The following SPAG16 variants were observed in gnomAD, a reference collection of about 807,000 sequenced individuals.
SPAG16 encodes sperm-associated antigen 16 protein.
A neutral mutation model predicts 80.4 loss-of-function variants in SPAG16; 86 were observed. The ratio of observed to expected loss-of-function variants is 1.07; its 90% CI spans 0.90 to 1.28. SPAG16 has a LOEUF of 1.28. Ranked by LOEUF, SPAG16 falls within the 50% of genes most tolerant of loss-of-function variation. SPAG16 has a pLI of 0.00. For synonymous variants in SPAG16, 294 were observed against 265.9 expected (o/e 1.11, Z -1.03); for missense variants, 870 against 765.3 (o/e 1.14, Z -1.61).
intron 9 of SPAG16, chr2:213,396,614 T>TTA (rs1253750156): frequency 2.2e-6 from 1 of 455,390 alleles, no homozygotes; most frequent in Non-Finnish European, 4.4e-6. Context: ...ACTCTCAAAC[T>TTA]TGGAATAAGA....
chr2:213,869,306 TA>T (rs1370830440), intron 11 of SPAG16, among the ~76,000 whole-genome samples: 1 of 129,564 alleles, frequency 7.7e-6, no homozygotes, highest in African/African-American at 2.6e-5. Context: ...TATATATATA[TA>T]ATATGTATAC....
intron 14 of SPAG16, among the ~76,000 whole-genome samples, 175 bp from the exon 15 acceptor site, chr2:214,148,965 A>C (rs994652830): frequency 6.6e-6 from 1 of 151,382 alleles, no homozygotes; most frequent in African/African-American, 2.4e-5. Flanking sequence ...GTTTAGAGGA[A>C]TGTAATCTTA....
chr2:213,894,053 A>G (rs777142351), intron 11 of SPAG16, among the ~76,000 whole-genome samples: 2 of 152,126 alleles, frequency 1.3e-5, no homozygotes, highest in African/African-American at 2.4e-5. Flanking sequence ...GGAAAATGAT[A>G]TTCTATGCAA....
At position 213,818,085 on chromosome 2, in the gene SPAG16, A is replaced by C. The variant is rs930616287; in HGVS notation, c.1071-44400A>C. Among the ~76,000 whole-genome samples, 29 of 152,192 alleles carry C rather than the reference A, an allele frequency of 1.9e-4. 1 individual carries two copies. Among genetic ancestry groups the C allele is most frequent in the African/African-American group, 7.0e-4 (29 of 41,450 alleles). ...AAGCATAAAGAAGGACTCTCTCTGC[A>C]ATTTCCTTATCTAAGTAAACTTCTT... is the stretch of plus-strand genomic sequence containing the variant. On this transcript the variant is annotated intron_variant, in intron 10 of 15. Transcript: ENST00000331683.
chr2:214,222,230 A>T (rs1266913299), intron 15 of SPAG16, among the ~76,000 whole-genome samples: 1 of 147,878 alleles, frequency 6.8e-6, no homozygotes, highest in Non-Finnish European at 1.5e-5. Context: ...GAGTCTCCTG[A>T]CTCAGCCTCC....
chr2:214,029,675 A>C (rs941491788), intron 13 of SPAG16, among the ~76,000 whole-genome samples: 22 of 152,126 alleles, frequency 1.4e-4, no homozygotes, highest in Admixed American at 1.3e-4. Flanking sequence ...GAATTGCCCC[A>C]AAAACAAATC....
intron 5 of SPAG16, among the ~76,000 whole-genome samples, chr2:213,327,569 C>A (rs911398256): frequency 6.6e-5 from 10 of 152,148 alleles, no homozygotes; most frequent in Admixed American, 2.6e-4. Context: ...AGCGTTATTT[C>A]TTAAAGTATT....
chr2:214,141,918 T>C (rs560677472), intron 14 of SPAG16, among the ~76,000 whole-genome samples: 138 of 152,316 alleles, frequency 9.1e-4, no homozygotes, highest in African/African-American at 3.2e-3. Context: ...TGATATTATA[T>C]TTTTCTTCAA....
intron 10 of SPAG16, among the ~76,000 whole-genome samples, chr2:213,535,708 A>C (rs895946323): frequency 2.0e-5 from 3 of 152,156 alleles, no homozygotes; most frequent in Non-Finnish European, 4.4e-5. Context: ...GTATGTGTAA[A>C]TGAGTATACG....
chr2:213,772,915 A>G (rs576674853), intron 10 of SPAG16, among the ~76,000 whole-genome samples: 1 of 152,126 alleles, frequency 6.6e-6, no homozygotes, highest in African/African-American at 2.4e-5. Flanking sequence ...ATGGTTTTAT[A>G]TATCTTTCAT....
chr2:214,012,949 T>C (rs1348736096), intron 12 of SPAG16, among the ~76,000 whole-genome samples: 1 of 152,190 alleles, frequency 6.6e-6, no homozygotes, highest in African/African-American at 2.4e-5. Context: ...AGTTTCTGAT[T>C]CAATAGGTTT....
chr2:214,065,406 A>G (rs2050485860), intron 13 of SPAG16, among the ~76,000 whole-genome samples: 1 of 152,148 alleles, frequency 6.6e-6, no homozygotes, highest in Admixed American at 6.6e-5. Flanking sequence ...GTATACAATA[A>G]ATAATTTTGA....
At chr2:213,961,871 G>GAT (rs2044449433) in intron 12 of SPAG16, among the ~76,000 whole-genome samples, 1 of 151,792 alleles carries the variant, frequency 6.6e-6, no homozygotes, top group African/African-American at 2.4e-5. Flanking sequence ...GTCTGGTTTT[G>GAT]ATATAAGTGT....
chr2:213,470,214 T>C (rs2073002913), intron 9 of SPAG16, among the ~76,000 whole-genome samples: 1 of 152,184 alleles, frequency 6.6e-6, no homozygotes, highest in Non-Finnish European at 1.5e-5. Flanking sequence ...CAAAAGGCCA[T>C]TGCACAGTTT....
chr2:213,816,873 A>G (rs2072576123), intron 10 of SPAG16, among the ~76,000 whole-genome samples: 1 of 152,074 alleles, frequency 6.6e-6, no homozygotes, highest in African/African-American at 2.4e-5. Flanking sequence ...TGTGAAGCCC[A>G]ATATTACTGT....
At chr2:213,803,728 A>T (rs879649374) in intron 10 of SPAG16, among the ~76,000 whole-genome samples, 12 of 152,162 alleles carry the variant, frequency 7.9e-5, no homozygotes, top group African/African-American at 2.9e-4. Context: ...AACTTTTTTT[A>T]AAAATGTATT....
At chr2:213,585,632 G>A (rs967432728) in intron 10 of SPAG16, among the ~76,000 whole-genome samples, 8 of 152,122 alleles carry the variant, frequency 5.3e-5, no homozygotes, top group Non-Finnish European at 7.3e-5. Flanking sequence ...ATGATCATAC[G>A]TCTCTTGCTA....
At chr2:213,621,435 A>T (rs1438068037) in intron 10 of SPAG16, among the ~76,000 whole-genome samples, 1 of 152,198 alleles carries the variant, frequency 6.6e-6, no homozygotes, top group Non-Finnish European at 1.5e-5. Context: ...AGAGGCTACT[A>T]TTGGTTTGAT....
intron 10 of SPAG16, among the ~76,000 whole-genome samples, chr2:213,842,348 A>T (rs2074401823): frequency 6.6e-6 from 1 of 152,100 alleles, no homozygotes; most frequent in Non-Finnish European, 1.5e-5. Context: ...TTTGGTGTTT[A>T]TCTTCTGTTT....
Sources: allele counts gnomAD v4.1 joint callset (sites outside exome capture counted in the v4.1 genomes callset), GRCh38; gene constraint gnomAD v4.1.1; transcripts MANE v1.5; gene names NCBI Gene and HGNC (gene_info 2026-07-23, HGNC 2026-07-21).